PIGL: variants seen among roughly 807,000 people sequenced by gnomAD.
The protein encoded by PIGL is N-acetylglucosaminyl-phosphatidylinositol de-N-acetylase.
In PIGL, 22 loss-of-function variants were observed where a neutral mutation model predicts 31.1. The ratio of observed to expected loss-of-function variants is 0.71; its 90% CI spans 0.51 to 1.01. PIGL has a LOEUF of 1.01. PIGL is among the 50% of genes least tolerant of loss of function. The pLI is 0.00. For missense variants in PIGL, 302 were observed against 315.9 expected (o/e 0.96, Z 0.33); for synonymous variants, 131 against 117.4 (o/e 1.12, Z -0.75).
Position 16,304,020 on chromosome 17 carries a change from C to A in PIGL, c.426+4042C>A, listed in dbSNP as rs144251875. On this transcript the variant is annotated intron_variant, in intron 3 of 6. Coordinates refer to ENST00000225609, the MANE Select transcript of PIGL (RefSeq NM_004278.4). ...TAAGCCACTGCGCCCGGCCTACTAA[C>A]AAATTTCTTGTGACACACTTGCTAT... 4.6e-5 allele frequency among the ~76,000 whole-genome samples: 7 copies of A among 152,238 alleles called. No individual in the cohort carries two copies. The East Asian group carries it at 1.4e-3, about 29-fold the overall frequency.
intron 6 of PIGL, 72 bp downstream of exon 6, chr17:16,317,980 C>G (rs1475202295): frequency 3.0e-6 from 4 of 1,331,638 alleles, no homozygotes; most frequent in Non-Finnish European, 4.3e-6. Context: ...CAAAGCCCCA[C>G]CTCTGCAGAA....
At chr17:16,274,575 T>C (rs2092885902) in intron 2 of PIGL, among the ~76,000 whole-genome samples, 1 of 151,000 alleles carries the variant, frequency 6.6e-6, no homozygotes, top group East Asian at 1.9e-4. Flanking sequence ...ATACTAAAAT[T>C]AGCCGGGCGT....
chr17:16,220,620 C>T (rs2092624096), intron 1 of PIGL, among the ~76,000 whole-genome samples: 1 of 150,948 alleles, frequency 6.6e-6, no homozygotes, highest in Admixed American at 6.6e-5. Context: ...TCTGGAGTAG[C>T]GGGATTACAG....
At chr17:16,293,968 G>A (rs1174298894) in intron 2 of PIGL, among the ~76,000 whole-genome samples, 4 of 152,154 alleles carry the variant, frequency 2.6e-5, no homozygotes, top group Admixed American at 2.6e-4. Flanking sequence ...GAGAGATCTG[G>A]TCTCTCATTG....
At chr17:16,257,775 C>T (rs2092800463) in intron 2 of PIGL, among the ~76,000 whole-genome samples, 1 of 151,234 alleles carries the variant, frequency 6.6e-6, no homozygotes, top group Non-Finnish European at 1.5e-5. Context: ...ATTAGAAGTC[C>T]ATATTTCCAC....
intron 1 of PIGL, among the ~76,000 whole-genome samples, chr17:16,222,932 A>G (rs2092635964): frequency 6.6e-6 from 1 of 152,054 alleles, no homozygotes; most frequent in Non-Finnish European, 1.5e-5. Flanking sequence ...GAATCGCTTG[A>G]ACCCAGTAGG....
At chr17:16,239,248 C>T (rs2092712754) in intron 2 of PIGL, among the ~76,000 whole-genome samples, 2 of 151,022 alleles carry the variant, frequency 1.3e-5, no homozygotes, top group Admixed American at 6.6e-5. Context: ...CTTTGGGAGG[C>T]CGAGGCAGGC....
intron 2 of PIGL, among the ~76,000 whole-genome samples, chr17:16,243,517 G>T (rs139753267): frequency 6.6e-6 from 1 of 152,148 alleles, no homozygotes; most frequent in African/African-American, 2.4e-5. Flanking sequence ...GGGTCACCAC[G>T]GGAGAATTTC....
intron 1 of PIGL, among the ~76,000 whole-genome samples, chr17:16,221,228 G>A (rs944777095): frequency 1.3e-5 from 2 of 152,108 alleles, no homozygotes; most frequent in East Asian, 1.9e-4. Flanking sequence ...ATTTATTAAA[G>A]AGCTGTACCT....
At chr17:16,224,726 G>A (rs1161624494) in intron 1 of PIGL, among the ~76,000 whole-genome samples, 17 of 151,852 alleles carry the variant, frequency 1.1e-4, no homozygotes, top group African/African-American at 3.9e-4. Context: ...GCGCAGTCTC[G>A]GCTCACTGCA....
intron 1 of PIGL, chr17:16,218,117 C>T (rs2092604481): frequency 6.6e-6 from 1 of 152,132 alleles, no homozygotes; most frequent in Non-Finnish European, 1.5e-5. Flanking sequence ...GATAATTGAA[C>T]AGTTGTATAA....
At chr17:16,320,528 AAAG>A (rs200642324) in intron 6 of PIGL, among the ~76,000 whole-genome samples, 2,200 of 146,574 alleles carry the variant, frequency 0.015, 47 homozygotes, top group African/African-American at 0.046. Flanking sequence ...AAAGAAAAGA[AAAG>A]AAGAAGGAAG....
intron 5 of PIGL, chr17:16,317,549 A>C (rs556047433): frequency 1.6e-6 from 2 of 1,280,612 alleles, no homozygotes; most frequent in Non-Finnish European, 2.0e-6. Flanking sequence ...GGTAGGGCAC[A>C]CCGCAGGGTA....
chr17:16,322,641 T>C (rs1206063214), intron 6 of PIGL, among the ~76,000 whole-genome samples: 5 of 152,146 alleles, frequency 3.3e-5, no homozygotes, highest in African/African-American at 1.2e-4. Flanking sequence ...CTTCATTATT[T>C]GTAGTTCTAT....
In PIGL at chr17:16,316,677, C is replaced by A; in HGVS notation, c.495-4C>A. Reference sequence around the variant, plus strand: ...CTCTCACTCTTGTCCTATCCCTCCTCCAGGGCCCTGCACTCAGAAGGGAAG... The same window carrying A: ...CTCTCACTCTTGTCCTATCCCTCCTACAGGGCCCTGCACTCAGAAGGGAAG... On this transcript the variant is annotated splice_region_variant and splice_polypyrimidine_tract_variant and intron_variant, in intron 4 of 6. Coordinates refer to ENST00000225609, the MANE Select transcript of PIGL (RefSeq NM_004278.4). 1 of 1,601,250 alleles carries A rather than the reference C, an allele frequency of 6.2e-7. No homozygotes were observed. Among genetic ancestry groups the A allele is most frequent in the South Asian group, 1.1e-5 (1 of 90,400 alleles).
rs1197171634 is a variant in PIGL, at chr17:16,246,672, C to CTTTTTT, written c.335+12621_335+12626dup. 2.2e-4 allele frequency among the ~76,000 whole-genome samples: 14 copies of CTTTTTT among 64,176 alleles called. 1 individual carries two copies. The highest frequency in any genetic ancestry group is 4.3e-4 in the Admixed American group (2 of 4,696). The allele number at this position is 64,176 out of a possible 152,430, so 42.1% of individuals were successfully genotyped here. A position where few individuals can be genotyped will look rare whatever the true frequency, so the allele number is the denominator to read the frequency against. ...GCAGGCTAGAAGTCCAGATCAAGGTCTTTTTTTTTTTTTTTTTTTTTTTTG... is the reference window on the plus strand; with the variant it reads ...GCAGGCTAGAAGTCCAGATCAAGGTCTTTTTTTTTTTTTTTTTTTTTTTTTTTTTTG... On this transcript the variant is annotated intron_variant, in intron 2 of 6. Coordinates refer to ENST00000225609, the MANE Select transcript of PIGL (RefSeq NM_004278.4).
Position 16,257,932 on chromosome 17 carries a change from G to A in PIGL, c.335+23862G>A, listed in dbSNP as rs564470865. On this transcript the variant is annotated intron_variant, in intron 2 of 6. Transcript: ENST00000225609. ...ATACAAATTAACTGGGTGTTGTGGC[G>A]GGCACCTGTAATCCCAGCTACTTGG... Among the ~76,000 whole-genome samples the A allele has an allele frequency of 5.9e-5, 9 of 151,472 alleles. No homozygotes were observed. In the South Asian group the frequency reaches 8.3e-4, roughly 14 times the overall value.
chr17:16,303,632 G>A (rs1304142131), intron 3 of PIGL, among the ~76,000 whole-genome samples: 2 of 151,888 alleles, frequency 1.3e-5, no homozygotes, highest in African/African-American at 2.4e-5. Flanking sequence ...TCCGCCTCCC[G>A]GGTTCAAGCG....
At chr17:16,224,885 T>C (rs2092645217) in intron 1 of PIGL, among the ~76,000 whole-genome samples, 1 of 151,156 alleles carries the variant, frequency 6.6e-6, no homozygotes, top group Non-Finnish European at 1.5e-5. Context: ...CTCGATCTCC[T>C]GACCTCGTGA....
Sources: gnomAD v4.1 joint callset for allele counts (sites outside exome capture counted in the v4.1 genomes callset) on GRCh38, gnomAD v4.1.1 for gene constraint, MANE v1.5 for transcripts, NCBI Gene and HGNC (gene_info 2026-07-23, HGNC 2026-07-21) for gene names.